Variants in PLCXD3 observed in about 807,000 individuals in gnomAD.
The protein encoded by PLCXD3 is phosphatidylinositol specific phospholipase C X domain containing 3.
PLCXD3 carries 19 observed loss-of-function variants against 25.5 expected under a neutral mutation model. The ratio of observed to expected loss-of-function variants is 0.75; its 90% CI spans 0.52 to 1.09. The LOEUF is 1.09. Among genes scored for constraint, PLCXD3 ranks in the 50% least tolerant of loss-of-function variants. The pLI, the probability that PLCXD3 is intolerant of heterozygous loss-of-function variation, is 0.00. For synonymous variants in PLCXD3, 174 were observed against 137.6 expected (o/e 1.26, Z -1.85); for missense variants, 411 against 388.1 (o/e 1.06, Z -0.50).
chr5:41,457,732 G>A (rs2150516080), intron 1 of PLCXD3, among the ~76,000 whole-genome samples: 1 of 151,992 alleles, frequency 6.6e-6, no homozygotes, highest in African/African-American at 2.4e-5. Context: ...GGTTCTTAAA[G>A]CTGATGAGGT....
At chr5:41,398,355 TG>T (rs1314585088) in intron 1 of PLCXD3, among the ~76,000 whole-genome samples, 12 of 152,164 alleles carry the variant, frequency 7.9e-5, no homozygotes, top group Non-Finnish European at 1.0e-4. Context: ...TGCTCTGCCA[TG>T]GTAAAATCTG....
intron 1 of PLCXD3, among the ~76,000 whole-genome samples, chr5:41,382,996 A>G (rs1418843498): frequency 1.3e-5 from 2 of 152,102 alleles, no homozygotes; most frequent in African/African-American, 2.4e-5. Context: ...TTCACAGGCA[A>G]TCAGCATATG....
At chr5:41,359,055 C>G (rs1293044174) in intron 2 of PLCXD3, among the ~76,000 whole-genome samples, 2 of 152,100 alleles carry the variant, frequency 1.3e-5, no homozygotes, top group African/African-American at 4.8e-5. Flanking sequence ...TCCCTGCATC[C>G]TGGTATGAAA....
intron 2 of PLCXD3, among the ~76,000 whole-genome samples, chr5:41,362,198 G>A (rs953626361): frequency 1.3e-5 from 2 of 152,114 alleles, no homozygotes; most frequent in African/African-American, 2.4e-5. Context: ...TTTTCATTTT[G>A]TAGTTAGAAA....
At chr5:41,454,160 C>T (rs141471922) in intron 1 of PLCXD3, among the ~76,000 whole-genome samples, 15 of 152,004 alleles carry the variant, frequency 9.9e-5, no homozygotes, top group African/African-American at 3.4e-4. Context: ...AGAATGTTAT[C>T]CTTATTTGGA....
chr5:41,487,265 A>G lies in PLCXD3; in HGVS notation c.103+23159T>C, dbSNP rs183404653. ...CCAGGATAGTCTTTATTGAAATGTA[A>G]CAAGATCATTCCTTGGCTTGAATTA... On this transcript the variant is annotated intron_variant, in intron 1 of 2. Transcript: ENST00000377801. 2.6e-5 allele frequency among the ~76,000 whole-genome samples: 4 copies of G among 152,302 alleles called. No individual in the cohort carries two copies. In the East Asian group the frequency reaches 7.7e-4, roughly 29 times the overall value.
chr5:41,424,973 T>C (rs1022017403), intron 1 of PLCXD3, among the ~76,000 whole-genome samples: 3 of 152,224 alleles, frequency 2.0e-5, no homozygotes, highest in Non-Finnish European at 4.4e-5. Flanking sequence ...GAAATAGTTC[T>C]CAACTAAAAT....
chr5:41,396,893 C>A (rs548575985), intron 1 of PLCXD3, among the ~76,000 whole-genome samples: 1 of 152,298 alleles, frequency 6.6e-6, no homozygotes, highest in African/African-American at 2.4e-5. Context: ...AAATATCTGG[C>A]TGAAGAAATT....
chr5:41,411,841 T>G (rs1024419370), intron 1 of PLCXD3, among the ~76,000 whole-genome samples: 7 of 147,896 alleles, frequency 4.7e-5, no homozygotes, highest in African/African-American at 1.7e-4. Context: ...TCCATATATA[T>G]ATCTCCATAT....
chr5:41,474,514 C>A (rs1280666887), intron 1 of PLCXD3, among the ~76,000 whole-genome samples: 1 of 152,132 alleles, frequency 6.6e-6, no homozygotes, highest in East Asian at 1.9e-4. Context: ...TTGAGAAAGG[C>A]AATTGAAAAA....
chr5:41,510,528 G>C lies in PLCXD3; in HGVS notation c.-2C>G, dbSNP rs1739033402. 1 of 1,612,358 alleles carries C rather than the reference G, an allele frequency of 6.2e-7. No individual in the cohort carries two copies. The highest frequency in any genetic ancestry group is 8.5e-7 in the Non-Finnish European group (1 of 1,178,978). ...GTTTTTCCCCTGAGACGAGGCCATC[G>C]TGCCAGTCGGCGTGCAGCGCGCTGG... On this transcript the variant is annotated 5_prime_UTR_variant, in exon 1 of 3. Coordinates refer to ENST00000377801, the MANE Select transcript of PLCXD3 (RefSeq NM_001005473.3).
chr5:41,373,204 G>A (rs780498217), intron 2 of PLCXD3, among the ~76,000 whole-genome samples: 1 of 151,988 alleles, frequency 6.6e-6, no homozygotes, highest in Admixed American at 6.6e-5. Context: ...CTTTTTTGTG[G>A]TTTCAACACA....
intron 2 of PLCXD3, among the ~76,000 whole-genome samples, chr5:41,318,627 C>G (rs1252713581): frequency 6.6e-6 from 1 of 152,000 alleles, no homozygotes; most frequent in Non-Finnish European, 1.5e-5. Context: ...ATAACTAAAT[C>G]CTATCACCAG....
At chr5:41,375,311 C>A (rs1055101329) in intron 2 of PLCXD3, among the ~76,000 whole-genome samples, 1 of 152,080 alleles carries the variant, frequency 6.6e-6, no homozygotes, top group African/African-American at 2.4e-5. Flanking sequence ...GACTGAAAGC[C>A]CTTCCATGTT....
At chr5:41,436,177 T>A (rs1161943459) in intron 1 of PLCXD3, among the ~76,000 whole-genome samples, 1 of 152,032 alleles carries the variant, frequency 6.6e-6, no homozygotes, top group Admixed American at 6.6e-5. Flanking sequence ...GAATATTACA[T>A]GTGGTTCAAC....
At chr5:41,352,920 T>C (rs929691996) in intron 2 of PLCXD3, among the ~76,000 whole-genome samples, 2 of 152,134 alleles carry the variant, frequency 1.3e-5, no homozygotes, top group African/African-American at 2.4e-5. Context: ...ACAATCTCCT[T>C]AGTGAAAAAT....
chr5:41,437,389 C>G (rs1035603756), intron 1 of PLCXD3, among the ~76,000 whole-genome samples: 5 of 152,180 alleles, frequency 3.3e-5, no homozygotes, highest in Admixed American at 1.3e-4. Context: ...ACAGCAATTT[C>G]AGGAACTATT....
At chr5:41,423,265 T>C (rs1746871789) in intron 1 of PLCXD3, among the ~76,000 whole-genome samples, 1 of 152,158 alleles carries the variant, frequency 6.6e-6, no homozygotes, top group Non-Finnish European at 1.5e-5. Flanking sequence ...ATGCTGGAAA[T>C]ATACTTTGGT....
chr5:41,395,803 G>A (rs940142650), intron 1 of PLCXD3, among the ~76,000 whole-genome samples: 1 of 152,044 alleles, frequency 6.6e-6, no homozygotes, highest in Non-Finnish European at 1.5e-5. Flanking sequence ...TGAGATTGAA[G>A]CTGTAATAAA....
Sources: gnomAD v4.1 joint callset for allele counts (sites outside exome capture counted in the v4.1 genomes callset) on GRCh38, gnomAD v4.1.1 for gene constraint, MANE v1.5 for transcripts, NCBI Gene and HGNC (gene_info 2026-07-23, HGNC 2026-07-21) for gene names.